Variants in APP observed in about 807,000 individuals in gnomAD.
APP encodes the protein amyloid beta precursor protein, also known as amyloid-beta precursor protein.
In APP, 31 loss-of-function variants were observed where a neutral mutation model predicts 101.4. The observed-to-expected ratio is 0.31, with a 90% confidence interval of 0.23 to 0.41. The LOEUF (loss-of-function observed/expected upper bound fraction) is 0.41. APP is among the 10% of genes least tolerant of loss of function. The pLI, the probability that APP is intolerant of heterozygous loss-of-function variation, is 1.00. For missense variants in APP, 839 were observed against 1,003.7 expected (o/e 0.84, Z 2.22); for synonymous variants, 366 against 364.4 (o/e 1.00, Z -0.05).
At chr21:26,087,070 G>A (rs1417858191) in intron 3 of APP, among the ~76,000 whole-genome samples, 2 of 152,032 alleles carry the variant, frequency 1.3e-5, no homozygotes, top group Non-Finnish European at 2.9e-5. Flanking sequence ...TACACCTATT[G>A]GAAAACCTAT....
intron 1 of APP, chr21:26,169,149 A>G (rs2063683034): frequency 6.6e-6 from 1 of 152,214 alleles, no homozygotes; most frequent in South Asian, 2.1e-4. Context: ...GTAAAGAAAA[A>G]CAGTCATTGT....
At chr21:26,077,647 C>A (rs59737592) in intron 3 of APP, among the ~76,000 whole-genome samples, 1 of 152,034 alleles carries the variant, frequency 6.6e-6, no homozygotes, top group African/African-American at 2.4e-5. Flanking sequence ...CTCTCTCCTG[C>A]GACCAGCCTC....
At chr21:25,964,693 C>G (rs1450164263) in intron 11 of APP, among the ~76,000 whole-genome samples, 1 of 151,016 alleles carries the variant, frequency 6.6e-6, no homozygotes, top group African/African-American at 2.4e-5. Context: ...CACTGCAACC[C>G]GGGTTCAAGC....
At chr21:25,960,949 C>A (rs115155925) in intron 11 of APP, among the ~76,000 whole-genome samples, 1,597 of 152,162 alleles carry the variant, frequency 0.01, 24 homozygotes, top group African/African-American at 0.036. Flanking sequence ...ATAAATCATA[C>A]CAAATAAAAT....
At chr21:26,014,391 C>T (rs944018217) in intron 6 of APP, among the ~76,000 whole-genome samples, 1 of 152,216 alleles carries the variant, frequency 6.6e-6, no homozygotes, top group Admixed American at 6.5e-5. Flanking sequence ...GAGATCAATA[C>T]AAGCTACTCT....
At chr21:26,023,111 G>C (rs1234043011) in intron 5 of APP, among the ~76,000 whole-genome samples, 1 of 152,208 alleles carries the variant, frequency 6.6e-6, no homozygotes, top group Non-Finnish European at 1.5e-5. Flanking sequence ...AGGGATGCCT[G>C]CTGGAACTAT....
At chr21:26,084,227 A>ATTTTTTTTTTTTT (rs869179482) in intron 3 of APP, among the ~76,000 whole-genome samples, 1 of 83,062 alleles carries the variant, frequency 1.2e-5, no homozygotes, top group African/African-American at 5.0e-5. Flanking sequence ...GAAGGGCTCC[A>ATTTTTTTTTTTTT]TTTTTTTTTT....
intron 17 of APP, among the ~76,000 whole-genome samples, chr21:25,888,335 GCT>G (rs755656482): frequency 2.0e-5 from 3 of 152,134 alleles, no homozygotes; most frequent in Admixed American, 1.3e-4. Context: ...AGCCCACCGT[GCT>G]CTCTCACCTG....
At chr21:25,957,359 T>TA (rs11396713) in intron 11 of APP, among the ~76,000 whole-genome samples, 4,079 of 151,372 alleles carry the variant, frequency 0.027, 174 homozygotes, top group African/African-American at 0.093. Context: ...ACATGTGAAT[T>TA]AAAAAAAAAG....
intron 3 of APP, among the ~76,000 whole-genome samples, chr21:26,082,435 T>C (rs186228720): frequency 6.6e-5 from 10 of 152,240 alleles, no homozygotes; most frequent in Admixed American, 3.3e-4. Context: ...ACTATGTGTA[T>C]ACATAAAAGC....
At chr21:26,114,448 T>TA (rs2062393163) in intron 1 of APP, among the ~76,000 whole-genome samples, 1 of 152,198 alleles carries the variant, frequency 6.6e-6, no homozygotes, top group African/African-American at 2.4e-5. Flanking sequence ...ATATTAGACT[T>TA]AAAGATGCTG....
chr21:25,900,986 T>TAAAAA (rs1195285670), intron 15 of APP, among the ~76,000 whole-genome samples: 1 of 15,648 alleles, frequency 6.4e-5, no homozygotes, highest in African/African-American at 3.2e-4. Context: ...AGACTCCATC[T>TAAAAA]CAAAAAAAAA....
chr21:26,140,735 T>C (rs2830087), intron 1 of APP, among the ~76,000 whole-genome samples: 78,599 of 152,092 alleles, frequency 0.52, 21,136 homozygotes, highest in African/African-American at 0.67. Context: ...TAACAAAAGC[T>C]GTCTACATTA....
intron 8 of APP, among the ~76,000 whole-genome samples, chr21:25,992,855 G>C (rs556101948): frequency 5.9e-5 from 9 of 152,328 alleles, no homozygotes; most frequent in African/African-American, 1.9e-4. Flanking sequence ...TAATTTGGCA[G>C]TTTTAGTTCC....
chr21:26,112,386 G>A (rs1023678137), intron 1 of APP, among the ~76,000 whole-genome samples: 4 of 152,092 alleles, frequency 2.6e-5, no homozygotes, highest in Non-Finnish European at 5.9e-5. Flanking sequence ...ATACCGAAAG[G>A]AATTTATTCA....
intron 1 of APP, among the ~76,000 whole-genome samples, chr21:26,162,044 T>C (rs1339930752): frequency 6.6e-6 from 1 of 152,170 alleles, no homozygotes; most frequent in African/African-American, 2.4e-5. Context: ...AAAAACAACA[T>C]TGGCCAGGCA....
At chr21:26,156,026 C>A (rs440736) in intron 1 of APP, among the ~76,000 whole-genome samples, 5,012 of 150,480 alleles carry the variant, frequency 0.033, 218 homozygotes, top group East Asian at 0.2. Flanking sequence ...AAAAAAGATA[C>A]CACTTCATTT....
intron 8 of APP, among the ~76,000 whole-genome samples, chr21:25,986,901 G>A (rs1207620819): frequency 6.6e-6 from 1 of 152,134 alleles, no homozygotes; most frequent in East Asian, 1.9e-4. Context: ...TTATTGCGTA[G>A]AGGCAAAACA....
chr21:26,118,660 C>A (rs968698861), intron 1 of APP, among the ~76,000 whole-genome samples: 2 of 152,298 alleles, frequency 1.3e-5, no homozygotes, highest in Non-Finnish European at 1.5e-5. Flanking sequence ...TCAAGCGATT[C>A]TTGTGCTTTA....
Sources: allele counts gnomAD v4.1 joint callset (sites outside exome capture counted in the v4.1 genomes callset), GRCh38; gene constraint gnomAD v4.1.1; transcripts MANE v1.5; gene names NCBI Gene and HGNC (gene_info 2026-07-23, HGNC 2026-07-21).